The following TRPC5 variants were observed in gnomAD, a reference collection of about 807,000 sequenced individuals.
TRPC5 encodes transient receptor potential cation channel subfamily C member 5.
Under a neutral mutation model 56.5 loss-of-function variants are expected in TRPC5, and 9 were observed. That is an observed-to-expected ratio of 0.16 (90% CI 0.10 to 0.28). TRPC5 has a LOEUF of 0.28. Among genes scored for constraint, TRPC5 ranks in the 10% least tolerant of loss-of-function variants. The pLI is 1.00. For synonymous variants in TRPC5, 282 were observed against 278.5 expected, an observed-to-expected ratio of 1.01 and a Z score of -0.13; for missense variants, 469 against 748.9, an observed-to-expected ratio of 0.63 and a Z score of 4.36.
chrX:111,782,689 T>C (rs1023772153), intron 7 of TRPC5, among the ~76,000 whole-genome samples: 13 of 111,191 alleles, frequency 1.2e-4, no homozygotes, highest in Non-Finnish European at 2.4e-4. Flanking sequence ...GAAGGCTTTT[T>C]TATTTTAAAA....
chrX:111,939,436 C>T (rs891774010), intron 2 of TRPC5, among the ~76,000 whole-genome samples: 2 of 111,332 alleles, frequency 1.8e-5, no homozygotes, highest in African/African-American at 6.5e-5. Flanking sequence ...ATATTCTCTC[C>T]TCCATTTTTC....
chrX:112,029,140 C>T (rs1050333919), intron 1 of TRPC5, among the ~76,000 whole-genome samples: 11 of 110,656 alleles, frequency 9.9e-5, no homozygotes, highest in African/African-American at 3.6e-4. Context: ...CCTCCAACCC[C>T]CCGTTACCCT....
intron 3 of TRPC5, among the ~76,000 whole-genome samples, chrX:111,908,315 C>G (rs959575768): frequency 9.0e-6 from 1 of 111,344 alleles, no homozygotes; most frequent in African/African-American, 3.3e-5. Context: ...TATATGATTT[C>G]TCAAGCCTGC....
At chrX:111,857,250 A>G (rs1360648073) in intron 3 of TRPC5, among the ~76,000 whole-genome samples, 1 of 112,082 alleles carries the variant, frequency 8.9e-6, no homozygotes, top group Non-Finnish European at 1.9e-5. Flanking sequence ...ACTGTTGTCA[A>G]TCTTGAACAA....
intron 1 of TRPC5, among the ~76,000 whole-genome samples, chrX:111,956,307 C>T: frequency 8.9e-6 from 1 of 111,966 alleles, no homozygotes; most frequent in South Asian, 3.8e-4. Flanking sequence ...AATGGTAAAA[C>T]CCTTGTGACC....
At chrX:111,810,371 T>G (rs1921665463) in intron 7 of TRPC5, among the ~76,000 whole-genome samples, 1 of 111,427 alleles carries the variant, frequency 9.0e-6, no homozygotes, top group South Asian at 3.9e-4. Flanking sequence ...ATTGAGAAAC[T>G]GAATGACTCT....
At chrX:111,931,450 G>A (rs1227862974) in intron 2 of TRPC5, among the ~76,000 whole-genome samples, 1 of 112,373 alleles carries the variant, frequency 8.9e-6, no homozygotes, top group Non-Finnish European at 1.9e-5. Flanking sequence ...GGGGTAGAGG[G>A]AGAAAATTGC....
chrX:112,039,337 CTGA>C (rs34916019), intron 1 of TRPC5, among the ~76,000 whole-genome samples: 13,413 of 111,282 alleles, frequency 0.12, 684 homozygotes, highest in African/African-American at 0.16. Context: ...ACCCCATTTT[CTGA>C]TAATAGGAAC....
chrX:111,933,312 A>G (rs999924488), intron 2 of TRPC5, among the ~76,000 whole-genome samples: 1 of 111,568 alleles, frequency 9.0e-6, no homozygotes, highest in Non-Finnish European at 1.9e-5. Context: ...AAAAACAATA[A>G]CAGAGTAAAT....
chrX:111,846,824 T>C (rs1922941939), intron 6 of TRPC5, among the ~76,000 whole-genome samples: 1 of 112,173 alleles, frequency 8.9e-6, no homozygotes, highest in African/African-American at 3.2e-5. Context: ...TAAAAATATG[T>C]AATGCTACCA....
At chrX:111,979,458 G>T (rs971755700) in intron 1 of TRPC5, among the ~76,000 whole-genome samples, 1 of 111,346 alleles carries the variant, frequency 9.0e-6, no homozygotes, top group Non-Finnish European at 1.9e-5. Context: ...TATAATAGAT[G>T]AAAGGAAAGA....
intron 1 of TRPC5, among the ~76,000 whole-genome samples, chrX:112,074,224 GT>G (rs997834747): frequency 1.9e-5 from 2 of 107,994 alleles, no homozygotes; most frequent in African/African-American, 3.4e-5. Context: ...ATTTCCTTTT[GT>G]TTTTTTTGAA....
chrX:111,907,325 A>G (rs1925662967), intron 3 of TRPC5, among the ~76,000 whole-genome samples: 1 of 111,167 alleles, frequency 9.0e-6, no homozygotes, highest in Admixed American at 9.6e-5. Flanking sequence ...TTAACTTGCC[A>G]TAAACATAAT....
At chrX:111,907,088 T>C (rs1356143123) in intron 3 of TRPC5, among the ~76,000 whole-genome samples, 3 of 107,515 alleles carry the variant, frequency 2.8e-5, no homozygotes, top group Non-Finnish European at 5.7e-5. Flanking sequence ...CCCTACAGGC[T>C]TCTTTCGGGT....
chrX:111,970,246 C>T (rs1042951195), intron 1 of TRPC5, among the ~76,000 whole-genome samples: 23 of 111,584 alleles, frequency 2.1e-4, no homozygotes, highest in Non-Finnish European at 4.0e-4. Context: ...TTCATGACTT[C>T]TATTATTCTT....
At chrX:112,039,988 C>G (rs1027355589) in intron 1 of TRPC5, among the ~76,000 whole-genome samples, 2 of 112,173 alleles carry the variant, frequency 1.8e-5, no homozygotes, top group African/African-American at 6.5e-5. Context: ...GTATCTGCTC[C>G]TACATTGCTT....
rs1458370975 is a variant in TRPC5 at position 111,825,184 on chromosome X, T to TTTCTTTCTTTCTTTCTTTCC, written c.1896+9736_1896+9737insGGAAAGAAAGAAAGAAAGAA. ...CTTTCTTTCTTTCTTTCTTTCTTTC[T>TTTCTTTCTTTCTTTCTTTCC]TTCTTTCTTTCTTTCTTTCTTTCTT... is the stretch of plus-strand genomic sequence containing the variant. On this transcript the variant is annotated intron_variant, in intron 7 of 10. Transcript: ENST00000262839. Among the ~76,000 whole-genome samples the TTTCTTTCTTTCTTTCTTTCC allele has an allele frequency of 4.5e-5, 4 of 87,984 alleles. No homozygotes were observed. In the East Asian group the frequency reaches 1.4e-3, roughly 31 times the overall value. 76.4% of individuals were successfully genotyped at this position (87,984 alleles called of 115,157 possible). A position where few individuals can be genotyped will look rare whatever the true frequency, so the allele number is the denominator to read the frequency against.
At chrX:111,928,906 T>G (rs917375632) in intron 2 of TRPC5, among the ~76,000 whole-genome samples, 12 of 112,265 alleles carry the variant, frequency 1.1e-4, no homozygotes, top group Non-Finnish European at 5.6e-5. Context: ...TCCATCTATC[T>G]GAAACACATA....
chrX:111,924,010 T>C (rs895316657), intron 2 of TRPC5, among the ~76,000 whole-genome samples: 1 of 111,445 alleles, frequency 9.0e-6, no homozygotes, highest in African/African-American at 3.3e-5. Flanking sequence ...TAAATTTCTC[T>C]TGTAGATTGC....
Sources: gnomAD v4.1 joint callset for allele counts (sites outside exome capture counted in the v4.1 genomes callset) on GRCh38, gnomAD v4.1.1 for gene constraint, MANE v1.5 for transcripts, NCBI Gene and HGNC (gene_info 2026-07-23, HGNC 2026-07-21) for gene names.